Variants in TBC1D5 observed in about 807,000 individuals in gnomAD.
TBC1D5 encodes the protein TBC1 domain family, member 5.
Under a neutral mutation model 100.3 loss-of-function variants are expected in TBC1D5, and 75 were observed. The ratio of observed to expected loss-of-function variants is 0.75; its 90% CI spans 0.62 to 0.91. The LOEUF is 0.91. Among genes scored for constraint, TBC1D5 ranks in the 40% least tolerant of loss-of-function variants. The pLI, the probability that TBC1D5 is intolerant of heterozygous loss-of-function variation, is 0.00. For missense variants in TBC1D5, 910 were observed against 942.4 expected (o/e 0.97, Z 0.45); for synonymous variants, 323 against 325.6 (o/e 0.99, Z 0.09).
intron 16 of TBC1D5, among the ~76,000 whole-genome samples, chr3:17,243,140 G>A (rs1041233906): frequency 1.5e-4 from 23 of 152,006 alleles, no homozygotes; most frequent in African/African-American, 5.3e-4. Context: ...CTTTTAGGAC[G>A]GTCATAATCT....
intron 13 of TBC1D5, among the ~76,000 whole-genome samples, chr3:17,309,172 T>C (rs542541439): frequency 6.6e-6 from 1 of 152,082 alleles, no homozygotes; most frequent in South Asian, 2.1e-4. Context: ...TATAACCATT[T>C]GTGGGGTTAA....
chr3:17,389,383 C>A (rs1391332978), intron 8 of TBC1D5, among the ~76,000 whole-genome samples: 1 of 152,002 alleles, frequency 6.6e-6, no homozygotes, highest in South Asian at 2.1e-4. Flanking sequence ...GACTCTCTTC[C>A]CTTTGAGTAT....
chr3:17,453,413 T>C (rs1024814785), intron 3 of TBC1D5, among the ~76,000 whole-genome samples: 9 of 151,932 alleles, frequency 5.9e-5, no homozygotes, highest in Admixed American at 3.3e-4. Context: ...CCTTTAGCCA[T>C]ACTAACAAAG....
At chr3:17,560,643 G>A (rs1018331833) in intron 2 of TBC1D5, among the ~76,000 whole-genome samples, 2 of 141,056 alleles carry the variant, frequency 1.4e-5, no homozygotes, top group Non-Finnish European at 3.1e-5. Context: ...GGGGTGGGGG[G>A]CGGACACAGT....
chr3:17,680,508 T>C (rs1011365341), intron 1 of TBC1D5, among the ~76,000 whole-genome samples: 1 of 151,364 alleles, frequency 6.6e-6, no homozygotes, highest in African/African-American at 2.5e-5. Flanking sequence ...ACTACAGACG[T>C]GAGCTACAGT....
chr3:17,608,083 C>A (rs138304930), intron 2 of TBC1D5, among the ~76,000 whole-genome samples: 4,929 of 152,190 alleles, frequency 0.032, 125 homozygotes, highest in Non-Finnish European at 0.046. Context: ...ATTGCGAAAC[C>A]CCGTCTCTAC....
intron 4 of TBC1D5, among the ~76,000 whole-genome samples, chr3:17,413,155 T>C (rs2093981778): frequency 6.6e-6 from 1 of 152,138 alleles, no homozygotes; most frequent in South Asian, 2.1e-4. Flanking sequence ...TTGCAGATAC[T>C]TGGTCCCTGA....
intron 10 of TBC1D5, 140 bp from the exon 11 acceptor site, chr3:17,374,819 G>T (rs567400256): frequency 1.3e-6 from 1 of 774,464 alleles, no homozygotes; most frequent in East Asian, 2.7e-5. Flanking sequence ...AAAGAGCAAT[G>T]CCATTAACAA....
chr3:17,479,870 G>A (rs1369713114), intron 3 of TBC1D5, among the ~76,000 whole-genome samples: 1 of 152,186 alleles, frequency 6.6e-6, no homozygotes, highest in Non-Finnish European at 1.5e-5. Context: ...GGGACAGGCA[G>A]GGAGCCCCTC....
chr3:17,474,758 A>G (rs1249556686), intron 3 of TBC1D5, among the ~76,000 whole-genome samples: 1 of 152,138 alleles, frequency 6.6e-6, no homozygotes, highest in East Asian at 1.9e-4. Context: ...GAGAAAAATT[A>G]AACTGAATGT....
chr3:17,736,783 G>T (rs545292997), intron 1 of TBC1D5, among the ~76,000 whole-genome samples: 2 of 152,134 alleles, frequency 1.3e-5, no homozygotes, highest in Admixed American at 1.3e-4. Context: ...AAGCTGGGGC[G>T]GGTGGATCAC....
intron 16 of TBC1D5, among the ~76,000 whole-genome samples, chr3:17,254,627 C>T (rs1056664160): frequency 6.6e-6 from 1 of 151,914 alleles, no homozygotes; most frequent in African/African-American, 2.4e-5. Context: ...ATGTGACTTG[C>T]CTGTTCTTTT....
intron 3 of TBC1D5, among the ~76,000 whole-genome samples, chr3:17,437,613 A>C (rs1432211190): frequency 9.0e-6 from 1 of 110,878 alleles, no homozygotes; most frequent in African/African-American, 3.3e-5. Context: ...AGAGAGACAG[A>C]GACAGAGGTA....
exon 15 of TBC1D5, chr3:17,291,992 C>T (rs2081804789): frequency 6.2e-7 from 1 of 1,612,686 alleles, no homozygotes; most frequent in African/African-American, 1.3e-5. Flanking sequence ...CTGGTAGTTA[C>T]TAGAGATCAC....
intron 1 of TBC1D5, among the ~76,000 whole-genome samples, chr3:17,655,994 G>A (rs566319143): frequency 2.0e-4 from 31 of 152,218 alleles, no homozygotes; most frequent in Non-Finnish European, 2.8e-4. Flanking sequence ...CTTTGTTACC[G>A]CAACCTTAGG....
intron 1 of TBC1D5, among the ~76,000 whole-genome samples, chr3:17,733,493 G>C (rs1438865189): frequency 6.6e-6 from 1 of 151,974 alleles, no homozygotes; most frequent in Admixed American, 6.6e-5. Flanking sequence ...TAATCACTTG[G>C]GGGGGGTGGA....
intron 2 of TBC1D5, among the ~76,000 whole-genome samples, chr3:17,559,780 G>A (rs1157834966): frequency 1.3e-5 from 2 of 151,116 alleles, no homozygotes; most frequent in Non-Finnish European, 3.0e-5. Context: ...TAGTACAGAC[G>A]GGGTTTCACT....
intron 2 of TBC1D5, among the ~76,000 whole-genome samples, chr3:17,554,850 T>A (rs1317620439): frequency 6.6e-6 from 1 of 151,724 alleles, no homozygotes; most frequent in East Asian, 1.9e-4. Context: ...TCTGTGCTTT[T>A]TTTTTTTCTT....
intron 2 of TBC1D5, among the ~76,000 whole-genome samples, chr3:17,545,165 C>A (rs1294197221): frequency 1.3e-5 from 2 of 152,012 alleles, no homozygotes; most frequent in Non-Finnish European, 2.9e-5. Context: ...CCCCCAGTAA[C>A]CTCAGTGTGT....
Sources: gnomAD v4.1 joint callset for allele counts (sites outside exome capture counted in the v4.1 genomes callset) on GRCh38, gnomAD v4.1.1 for gene constraint, MANE v1.5 for transcripts, NCBI Gene and HGNC (gene_info 2026-07-23, HGNC 2026-07-21) for gene names.